The following RBFOX1 variants were observed in gnomAD, a reference collection of about 807,000 sequenced individuals.
RBFOX1 encodes the protein RNA binding protein fox-1 homolog 1.
RBFOX1 carries 8 observed loss-of-function variants against 57.7 expected under a neutral mutation model. That is an observed-to-expected ratio of 0.14 (90% confidence interval 0.08 to 0.25). The LOEUF (loss-of-function observed/expected upper bound fraction) is 0.25, where lower values mean the gene tolerates loss of function less well. Ranked by LOEUF, RBFOX1 falls within the 10% of genes least tolerant of loss-of-function variation. RBFOX1 has a pLI of 1.00. For missense variants in RBFOX1, 611 were observed against 548.5 expected, an observed-to-expected ratio of 1.11 and a Z score of -1.14; for synonymous variants, 326 against 222.4, an observed-to-expected ratio of 1.47 and a Z score of -4.15.
chr16:5,350,826 C>G (rs1316506182), intron 1 of RBFOX1, among the ~76,000 whole-genome samples: 1 of 152,156 alleles, frequency 6.6e-6, no homozygotes, highest in Non-Finnish European at 1.5e-5. Flanking sequence ...TATTGCACCA[C>G]TGCGCTCCAG....
chr16:7,534,499 C>G (rs992273709), intron 5 of RBFOX1, among the ~76,000 whole-genome samples: 3 of 151,892 alleles, frequency 2.0e-5, no homozygotes, highest in African/African-American at 7.3e-5. Context: ...TACGGTAAGC[C>G]CCAGGATAAC....
intron 1 of RBFOX1, among the ~76,000 whole-genome samples, chr16:5,416,177 C>T (rs1386223314): frequency 6.6e-6 from 1 of 152,190 alleles, no homozygotes; most frequent in Non-Finnish European, 1.5e-5. Context: ...TTAATCCTCA[C>T]AGCGACTCCT....
At chr16:7,111,031 C>T (rs752238678) in intron 4 of RBFOX1, among the ~76,000 whole-genome samples, 1 of 152,106 alleles carries the variant, frequency 6.6e-6, no homozygotes, top group African/African-American at 2.4e-5. Context: ...GGGCATGGCA[C>T]ACACACACAT....
chr16:6,199,894 T>A (rs2097204340), intron 1 of RBFOX1, among the ~76,000 whole-genome samples: 1 of 152,112 alleles, frequency 6.6e-6, no homozygotes, highest in South Asian at 2.1e-4. Context: ...GAAAAACACA[T>A]AAGTTATGTC....
chr16:6,481,503 C>T (rs73524643), intron 2 of RBFOX1, among the ~76,000 whole-genome samples: 1,985 of 152,310 alleles, frequency 0.013, 48 homozygotes, highest in East Asian at 0.12. Flanking sequence ...TTCCTATAAC[C>T]TTGCTTTTGT....
chr16:7,042,593 T>C (rs1282772261), intron 3 of RBFOX1, among the ~76,000 whole-genome samples: 1 of 152,270 alleles, frequency 6.6e-6, no homozygotes, highest in Non-Finnish European at 1.5e-5. Context: ...AAACATTGGA[T>C]ACATTTTAAC....
chr16:6,513,487 A>T (rs1434602012), intron 2 of RBFOX1, among the ~76,000 whole-genome samples: 2 of 152,104 alleles, frequency 1.3e-5, no homozygotes, highest in African/African-American at 4.8e-5. Context: ...TAATCTCATC[A>T]CTTTGGGAGG....
chr16:7,390,807 T>G (rs2097995912), intron 4 of RBFOX1, among the ~76,000 whole-genome samples: 1 of 152,182 alleles, frequency 6.6e-6, no homozygotes, highest in African/African-American at 2.4e-5. Context: ...AATATGAATG[T>G]GCTTAAGGGA....
At chr16:6,699,648 C>G (rs1007700844) in intron 3 of RBFOX1, among the ~76,000 whole-genome samples, 1 of 152,162 alleles carries the variant, frequency 6.6e-6, no homozygotes, top group South Asian at 2.1e-4. Context: ...ACTCATCTGT[C>G]AACCAGCCCC....
intron 4 of RBFOX1, among the ~76,000 whole-genome samples, chr16:5,894,427 C>G (rs541370960): frequency 1.3e-5 from 2 of 152,050 alleles, no homozygotes; most frequent in Non-Finnish European, 2.9e-5. Context: ...TCATGTACCA[C>G]TACACCTGGC....
Position 5,540,714 on chromosome 16 carries a change from A to G in RBFOX1, c.259-58188A>G, listed in dbSNP as rs571279167. 3.3e-4 allele frequency among the ~76,000 whole-genome samples: 50 copies of G among 152,264 alleles called. No individual in the cohort carries two copies. In the South Asian group the frequency reaches 9.7e-3, roughly 30 times the overall value. On this transcript the variant is annotated intron_variant, in intron 2 of 2. Coordinates refer to the RBFOX1 transcript ENST00000585867. ...CTGACATCACGGACTCTGACTTGTTAAAAACACCCTAGTCTTTGCTGCTAA... is the reference window on the plus strand; with the variant it reads ...CTGACATCACGGACTCTGACTTGTTGAAAACACCCTAGTCTTTGCTGCTAA...
rs1224368908 is a variant in RBFOX1, at chr16:6,999,215, T to A, written c.-15-52842T>A. ...TTTTATTTTATTTTTTATTTTTATTTATTTTTTTTATTTATTTTTTTTTTT... is the reference window on the plus strand; with the variant it reads ...TTTTATTTTATTTTTTATTTTTATTAATTTTTTTTATTTATTTTTTTTTTT... On this transcript the variant is annotated intron_variant, in intron 3 of 15. Transcript: ENST00000550418. Among the ~76,000 whole-genome samples, 3 of 92,790 alleles carry A rather than the reference T, an allele frequency of 3.2e-5. No individual in the cohort carries two copies. In the East Asian group the frequency reaches 1.4e-3, roughly 44 times the overall value. 60.9% of individuals were successfully genotyped at this position (92,790 alleles called of 152,430 possible).
chr16:6,150,885 G>C (rs143421944), intron 1 of RBFOX1, among the ~76,000 whole-genome samples: 1 of 152,154 alleles, frequency 6.6e-6, no homozygotes, highest in African/African-American at 2.4e-5. Flanking sequence ...ACGTGCAGCT[G>C]AATTATTTAC....
At chr16:6,784,520 A>G (rs925241234) in intron 3 of RBFOX1, among the ~76,000 whole-genome samples, 5 of 151,984 alleles carry the variant, frequency 3.3e-5, no homozygotes, top group Non-Finnish European at 7.4e-5. Context: ...TTCCTCTTCT[A>G]TGTTATCTCC....
Position 6,019,140 on chromosome 16 carries a change from C to G in RBFOX1, c.-979C>G. 2 of 985,090 alleles carry G rather than the reference C, an allele frequency of 2.0e-6. No individual in the cohort carries two copies. Among genetic ancestry groups the G allele is most frequent in the Non-Finnish European group, 2.4e-6 (2 of 829,942 alleles). 61.0% of individuals were successfully genotyped at this position (985,090 alleles called of 1,614,324 possible). The stretch of plus-strand genomic sequence containing the variant: ...ATTTTCTCGCGCTCTCTCCGGCTCT[C>G]CTTTGTTTATTTTCTAATCTATATT... On this transcript the variant is annotated 5_prime_UTR_variant, in exon 1 of 16. Transcript: ENST00000550418. This position sits in a 1 kb window ranked among gnomAD's most constrained non-coding sequence, Gnocchi z 4.2.
At chr16:7,291,770 A>C (rs549839476) in intron 4 of RBFOX1, among the ~76,000 whole-genome samples, 30 of 151,836 alleles carry the variant, frequency 2.0e-4, no homozygotes, top group African/African-American at 7.2e-4. Context: ...GGATGCGATA[A>C]GGATTTGTCT....
intron 1 of RBFOX1, among the ~76,000 whole-genome samples, chr16:5,373,532 G>C (rs1361190273): frequency 6.6e-6 from 1 of 151,798 alleles, no homozygotes; most frequent in Admixed American, 6.6e-5. Flanking sequence ...CACCCCGATT[G>C]TAAGTTTCCT....
At chr16:5,521,383 A>G (rs1244865082) in intron 2 of RBFOX1, among the ~76,000 whole-genome samples, 1 of 152,148 alleles carries the variant, frequency 6.6e-6, no homozygotes, top group Non-Finnish European at 1.5e-5. Flanking sequence ...GGGTGGAAAA[A>G]GAAAAAAGAT....
At chr16:6,358,400 C>G (rs550380247) in intron 2 of RBFOX1, among the ~76,000 whole-genome samples, 11 of 152,270 alleles carry the variant, frequency 7.2e-5, no homozygotes, top group African/African-American at 1.9e-4. Flanking sequence ...CAGGCCTTGT[C>G]TCATCTTAGA....
Sources: allele counts gnomAD v4.1 joint callset (sites outside exome capture counted in the v4.1 genomes callset), GRCh38; gene constraint gnomAD v4.1.1; non-coding constraint Gnocchi (gnomAD v3.1); transcripts MANE v1.5; gene names NCBI Gene and HGNC (gene_info 2026-07-23, HGNC 2026-07-21).